Variants in JADE1 observed in about 807,000 individuals in gnomAD.
JADE1 encodes protein Jade-1.
In JADE1, 14 loss-of-function variants were observed where a neutral mutation model predicts 81.8. The ratio of observed to expected loss-of-function variants is 0.17; its 90% CI spans 0.11 to 0.27. The LOEUF is 0.27. Among genes scored for constraint, JADE1 ranks in the 10% least tolerant of loss-of-function variants. The pLI, the probability that JADE1 is intolerant of heterozygous loss-of-function variation, is 1.00. For synonymous variants in JADE1, 353 were observed against 391.9 expected, an observed-to-expected ratio of 0.90 and a Z score of 1.17; for missense variants, 690 against 1,047.9, an observed-to-expected ratio of 0.66 and a Z score of 4.71.
At chr4:128,850,222 CTTCTCAAGTCACTTGAGG>C (rs1730232628) in intron 5 of JADE1, among the ~76,000 whole-genome samples, 1 of 104,146 alleles carries the variant, frequency 9.6e-6, no homozygotes, top group South Asian at 3.6e-4. Context: ...TGAGGTGATT[CTTCTCAAGTCACTTGAGG>C]GGGTGGAGGT....
At chr4:128,837,836 C>A (rs985333651) in intron 2 of JADE1, among the ~76,000 whole-genome samples, 1 of 152,124 alleles carries the variant, frequency 6.6e-6, no homozygotes, top group Non-Finnish European at 1.5e-5. Context: ...ACAGGATGAC[C>A]GCTGTTTGAT....
chr4:128,838,560 G>T (rs768719909), intron 2 of JADE1, among the ~76,000 whole-genome samples: 1 of 152,102 alleles, frequency 6.6e-6, no homozygotes, highest in African/African-American at 2.4e-5. Context: ...ATCTTACCAC[G>T]CGGTTTTTAA....
At chr4:128,855,265 C>T (rs1204499421) in intron 6 of JADE1, among the ~76,000 whole-genome samples, 1 of 152,224 alleles carries the variant, frequency 6.6e-6, no homozygotes, top group Admixed American at 6.5e-5. Flanking sequence ...TTACTGAGGA[C>T]TTACTGCTCA....
At position 128,820,314 on chromosome 4, in the gene JADE1, A is replaced by T. The variant is rs369859492; in HGVS notation, c.-27+10437A>T. Among the ~76,000 whole-genome samples the T allele has an allele frequency of 3.8e-4, 58 of 152,012 alleles. No homozygotes were observed. The East Asian group carries it at 0.011, about 28-fold the overall frequency. On this transcript the variant is annotated intron_variant, in intron 1 of 10. Coordinates refer to ENST00000226319, the MANE Select transcript of JADE1 (RefSeq NM_199320.4). Reference sequence around the variant, plus strand: ...TTTGGTAGAGGCAGGGTTTCACCATATTGGTCAGGCTGGTCTTGAACTCCT... The same window carrying T: ...TTTGGTAGAGGCAGGGTTTCACCATTTTGGTCAGGCTGGTCTTGAACTCCT...
In JADE1 at chr4:128,875,224, A is replaced by C. The variant is rs943873501; in HGVS notation, c.*2962A>C. The C allele has an allele frequency of 6.6e-6, 1 of 152,622 alleles. No homozygotes were observed. The highest frequency in any genetic ancestry group is 6.5e-5 in the Admixed American group (1 of 15,280). The allele number at this position is 152,622 out of a possible 1,614,324, so 9.5% of individuals were successfully genotyped here. A position where few individuals can be genotyped will look rare whatever the true frequency, so the allele number is the denominator to read the frequency against. On this transcript the variant is annotated 3_prime_UTR_variant, in exon 11 of 11. Coordinates refer to ENST00000226319, the MANE Select transcript of JADE1 (RefSeq NM_199320.4). ...ATAAATGCTGTACATTTTGCAATAC[A>C]TTTTAAGTGTCTTTTGAAATCTGCT...
intron 6 of JADE1, among the ~76,000 whole-genome samples, chr4:128,853,098 G>A (rs1484128527): frequency 6.6e-6 from 1 of 151,990 alleles, no homozygotes; most frequent in African/African-American, 2.4e-5. Context: ...GGCTGGTCTC[G>A]AACTCCTGAC....
At chr4:128,810,490 A>C (rs1009035002) in intron 1 of JADE1, 1 of 139,566 alleles carries the variant, frequency 7.2e-6, no homozygotes, top group Non-Finnish European at 1.5e-5. Flanking sequence ...GCCAAAGTGC[A>C]TTAGGCTGCA....
At chr4:128,859,541 A>G (rs973747756) in intron 8 of JADE1, among the ~76,000 whole-genome samples, 2 of 125,402 alleles carry the variant, frequency 1.6e-5, no homozygotes, top group Non-Finnish European at 3.8e-5. Context: ...GTGTGTATGC[A>G]TGCGTGTATA....
chr4:128,814,505 C>T (rs1726806990), intron 1 of JADE1, among the ~76,000 whole-genome samples: 1 of 151,706 alleles, frequency 6.6e-6, no homozygotes, highest in African/African-American at 2.4e-5. Flanking sequence ...ATTTTCTATG[C>T]ATGTGCATGT....
chr4:128,843,803 C>T (rs1157162382), intron 3 of JADE1, among the ~76,000 whole-genome samples: 2 of 152,214 alleles, frequency 1.3e-5, no homozygotes, highest in African/African-American at 4.8e-5. Context: ...CAGCCTCATC[C>T]TGTAATGGCA....
At chr4:128,838,594 A>T (rs1384696967) in intron 2 of JADE1, among the ~76,000 whole-genome samples, 1 of 152,182 alleles carries the variant, frequency 6.6e-6, no homozygotes, top group Non-Finnish European at 1.5e-5. Flanking sequence ...ACTGTTTTTA[A>T]TAAGTGCGTG....
At chr4:128,812,377 G>T (rs1018878271) in intron 1 of JADE1, among the ~76,000 whole-genome samples, 10 of 151,618 alleles carry the variant, frequency 6.6e-5, no homozygotes, top group Non-Finnish European at 1.2e-4. Context: ...ATTCCCCGGC[G>T]GGCGGCGGGA....
intron 1 of JADE1, among the ~76,000 whole-genome samples, chr4:128,831,141 TATA>T (rs1560737907): frequency 6.6e-6 from 1 of 152,214 alleles, no homozygotes; most frequent in South Asian, 2.1e-4. Flanking sequence ...ATCAAAATTG[TATA>T]ATGTCTGTGG....
chr4:128,810,843 C>T (rs1224241389), intron 1 of JADE1, among the ~76,000 whole-genome samples: 1 of 152,036 alleles, frequency 6.6e-6, no homozygotes. Context: ...AGTGTAAAAC[C>T]CCTTAATCGA....
chr4:128,825,320 G>A lies in JADE1; in HGVS notation c.-26-6413G>A, dbSNP rs1247870133. Among the ~76,000 whole-genome samples, 6 of 152,146 alleles carry A rather than the reference G, an allele frequency of 3.9e-5. No homozygotes were observed. In the South Asian group the frequency reaches 6.2e-4, roughly 16 times the overall value. ...CTCCCCAAGTGCCTGGATTACAGGC[G>A]TGAGCCACTGTGCCCAGCCCTCTTA... On this transcript the variant is annotated intron_variant, in intron 1 of 10. Coordinates refer to ENST00000226319, the MANE Select transcript of JADE1 (RefSeq NM_199320.4).
chr4:128,872,846 A>C lies in JADE1; in HGVS notation c.*584A>C, dbSNP rs1732293920. 4.5e-6 allele frequency: 2 copies of C among 449,380 alleles called. No individual in the cohort carries two copies. The highest frequency in any genetic ancestry group is 2.0e-5 in the African/African-American group (1 of 49,790). The allele number at this position is 449,380 out of a possible 1,614,324, so 27.8% of individuals were successfully genotyped here. A position where few individuals can be genotyped will look rare whatever the true frequency, so the allele number is the denominator to read the frequency against. The stretch of plus-strand genomic sequence containing the variant: ...GCAGTCAGGGAAGAGAATTTTAAAA[A>C]AGGTCATTATTGAAGAAGCTGAGGG... On this transcript the variant is annotated 3_prime_UTR_variant, in exon 11 of 11. Transcript: ENST00000226319.
intron 6 of JADE1, among the ~76,000 whole-genome samples, chr4:128,854,146 TGTTATCAGTGA>T (rs1412878706): frequency 6.6e-6 from 1 of 152,162 alleles, no homozygotes; most frequent in African/African-American, 2.4e-5. Flanking sequence ...TCAACCCCTG[TGTTATCAGTGA>T]GTTAACTGAT....
At chr4:128,819,960 C>G (rs549113908) in intron 1 of JADE1, among the ~76,000 whole-genome samples, 1 of 152,304 alleles carries the variant, frequency 6.6e-6, no homozygotes, top group African/African-American at 2.4e-5. Flanking sequence ...TGCACTAGAT[C>G]TACTTATGTG....
intron 8 of JADE1, among the ~76,000 whole-genome samples, chr4:128,859,209 GGTGT>G (rs938026061): frequency 8.0e-5 from 12 of 150,902 alleles, no homozygotes; most frequent in Middle Eastern, 6.8e-3. Context: ...TGTGTGTATG[GGTGT>G]GTGTGTGAGT....
Sources: gnomAD v4.1 joint callset for allele counts (sites outside exome capture counted in the v4.1 genomes callset) on GRCh38, gnomAD v4.1.1 for gene constraint, MANE v1.5 for transcripts, NCBI Gene and HGNC (gene_info 2026-07-23, HGNC 2026-07-21) for gene names.